Variants in PGM1 observed in about 807,000 individuals in gnomAD.
PGM1 encodes the protein phosphoglucomutase-1.
Under a neutral mutation model 55.6 loss-of-function variants are expected in PGM1, and 52 were observed. The ratio of observed to expected loss-of-function variants is 0.94; its 90% CI spans 0.75 to 1.18. The LOEUF is 1.18. PGM1 is among the 50% of genes most tolerant of loss of function. The pLI, the probability that PGM1 is intolerant of heterozygous loss-of-function variation, is 0.00. For missense variants in PGM1, 724 were observed against 729.3 expected (o/e 0.99, Z 0.08); for synonymous variants, 287 against 271.7 (o/e 1.06, Z -0.55).
intron 10 of PGM1, among the ~76,000 whole-genome samples, chr1:63,658,892 G>A (rs1650038017): frequency 6.6e-6 from 1 of 152,200 alleles, no homozygotes; most frequent in South Asian, 2.1e-4. Context: ...CACAATCATG[G>A]TGGAAGGCAA....
chr1:63,637,085 T>TGATGAATAAAAGGTAAAGAATGAATG (rs1423717484), intron 6 of PGM1, among the ~76,000 whole-genome samples: 1 of 152,182 alleles, frequency 6.6e-6, no homozygotes, highest in Non-Finnish European at 1.5e-5. Context: ...AGGAAATGTT[T>TGATGAATAAAAGGTAAAGAATGAATG]GATGAATAAA....
Position 63,629,600 on chromosome 1 carries a change from T to G in PGM1, c.409+13T>G. 1 of 1,612,550 alleles carries G rather than the reference T, an allele frequency of 6.2e-7. No individual in the cohort carries two copies. Among genetic ancestry groups the G allele is most frequent in the Non-Finnish European group, 8.5e-7 (1 of 1,178,796 alleles). ...ATTTCTAATGGAGGTGAGTTTGCTG[T>G]CATTTTGAGGACAGGTAAGTTTACA... is the stretch of plus-strand genomic sequence containing the variant. On this transcript the variant is annotated intron_variant, in intron 2 of 10. Transcript: ENST00000371084.
At chr1:63,600,341 G>A (rs1427122151) in intron 1 of PGM1, 9 of 152,020 alleles carry the variant, frequency 5.9e-5, no homozygotes, top group African/African-American at 1.5e-4. Flanking sequence ...AAAGAAAAAC[G>A]TTCTCCCTTT....
At position 63,633,902 on chromosome 1, in the gene PGM1, GTGTGTGTGTGTGTGTGTATATA is replaced by G. The variant is rs1190836343; in HGVS notation, c.683-925_683-904del. ...TGTGTGTGTGTGTGTGTGTGTGTGT[GTGTGTGTGTGTGTGTGTATATA>G]TATATATATTTTTTTTTTTTTTTTT... On this transcript the variant is annotated intron_variant, in intron 4 of 10. Coordinates refer to ENST00000371084, the MANE Select transcript of PGM1 (RefSeq NM_002633.3). Among the ~76,000 whole-genome samples, 32 of 38,990 alleles carry G rather than the reference GTGTGTGTGTGTGTGTGTATATA, an allele frequency of 8.2e-4. 3 individuals carry two copies. The highest frequency in any genetic ancestry group is 4.3e-3 in the African/African-American group (29 of 6,794). 25.6% of individuals were successfully genotyped at this position (38,990 alleles called of 152,430 possible). A position where few individuals can be genotyped will look rare whatever the true frequency, so the allele number is the denominator to read the frequency against.
intron 7 of PGM1, among the ~76,000 whole-genome samples, chr1:63,647,949 A>G (rs899295318): frequency 6.6e-6 from 1 of 152,174 alleles, no homozygotes; most frequent in African/African-American, 2.4e-5. Context: ...TATGCCTTAC[A>G]TTTCTAAATC....
chr1:63,593,605 C>G lies in PGM1; in HGVS notation c.117C>G (p.Phe39Leu), dbSNP rs572585457. 6.2e-7 allele frequency: 1 copy of G among 1,613,500 alleles called. No homozygotes were observed. Among genetic ancestry groups the G allele is most frequent in the South Asian group, 1.1e-5 (1 of 91,010 alleles). Reference protein sequence around the residue: ...FQSSANYAENFIQSIISTVEP... With the variant: ...FQSSANYAENLIQSIISTVEP... ...GCAGCGCCAACTACGCGGAGAACTT[C>G]ATCCAGAGTATCATCTCCACCGTGG... Residue 39 changes from phenylalanine to leucine, a missense_variant, in exon 1 of 11, where the codon TTC (phenylalanine) becomes TTG (leucine). By Grantham distance (22) the Phe-to-Leu change is conservative (BLOSUM62 0). Coordinates refer to ENST00000371084, the MANE Select transcript of PGM1 (RefSeq NM_002633.3).
At chr1:63,635,238 C>T (rs1044062913) in intron 5 of PGM1, among the ~76,000 whole-genome samples, 1 of 152,140 alleles carries the variant, frequency 6.6e-6, no homozygotes, top group African/African-American at 2.4e-5. Context: ...TCCATACTTG[C>T]TAACAATGGC....
rs1649745942 is a variant in PGM1 at position 63,649,460 on chromosome 1, A to G, written c.1280+808A>G. ...GAATTTTTCTGGACCTCAGTATTCC[A>G]ATTATAGAGAGAAAATATGGTAAAA... On this transcript the variant is annotated intron_variant, in intron 8 of 10. Coordinates refer to ENST00000371084, the MANE Select transcript of PGM1 (RefSeq NM_002633.3). Among the ~76,000 whole-genome samples, 11 of 152,334 alleles carry G rather than the reference A, an allele frequency of 7.2e-5. No homozygotes were observed. In the South Asian group the frequency reaches 2.3e-3, roughly 32 times the overall value.
chr1:63,657,299 C>G (rs1246561128), intron 10 of PGM1, among the ~76,000 whole-genome samples: 1 of 152,058 alleles, frequency 6.6e-6, no homozygotes, highest in Non-Finnish European at 1.5e-5. Flanking sequence ...AACTGTGTGT[C>G]CCTGGGTAAG....
At chr1:63,648,713 G>A in intron 8 of PGM1, 61 bp downstream of exon 8, 4 of 1,566,540 alleles carry the variant, frequency 2.6e-6, no homozygotes, top group Non-Finnish European at 3.5e-6. Flanking sequence ...GAGAATTCTT[G>A]CGCATCCACA....
At position 63,634,957 on chromosome 1, in the gene PGM1, G is replaced by C. The variant is rs1349011391; in HGVS notation, c.811G>C (p.Asp271His). ...HPDPNLTYAA[D>H]LVETMKSGEH... ...TGACCCCAACCTCACCTATGCAGCT[G>C]ACCTGGTGGAGACCATGAAGTCAGG... is the stretch of plus-strand genomic sequence containing the variant. Residue 271 changes from aspartate to histidine, a missense_variant, in exon 5 of 11, where the codon GAC becomes CAC. Coordinates refer to ENST00000371084, the MANE Select transcript of PGM1 (RefSeq NM_002633.3). 4.3e-6 allele frequency: 7 copies of C among 1,613,984 alleles called. No homozygotes were observed. The highest frequency in any genetic ancestry group is 5.9e-6 in the Non-Finnish European group (7 of 1,180,024).
At chr1:63,607,364 C>A (rs1648450254) in intron 1 of PGM1, among the ~76,000 whole-genome samples, 1 of 152,180 alleles carries the variant, frequency 6.6e-6, no homozygotes, top group African/African-American at 2.4e-5. Context: ...TAAAGATGTC[C>A]TCATTCGCAA....
chr1:63,648,685 G>A (rs763547093), intron 8 of PGM1, 33 bp downstream of exon 8: 9 of 1,611,912 alleles, frequency 5.6e-6, no homozygotes, highest in Non-Finnish European at 7.6e-6. Flanking sequence ...TACAAGGTAA[G>A]GTGGGGAAGT....
chr1:63,619,251 C>T (rs1246506308), intron 1 of PGM1, among the ~76,000 whole-genome samples: 1 of 152,172 alleles, frequency 6.6e-6, no homozygotes, highest in East Asian at 1.9e-4. Context: ...GGCCTTCACT[C>T]TCATGGAATA....
chr1:63,641,603 G>C (rs1432047986), intron 7 of PGM1, among the ~76,000 whole-genome samples: 1 of 152,196 alleles, frequency 6.6e-6, no homozygotes, highest in African/African-American at 2.4e-5. Flanking sequence ...CGATAGGAGA[G>C]ACAATTTCTC....
At chr1:63,646,209 G>A (rs968305976) in intron 7 of PGM1, among the ~76,000 whole-genome samples, 4 of 152,156 alleles carry the variant, frequency 2.6e-5, no homozygotes, top group African/African-American at 9.7e-5. Context: ...AAGTGCAGTA[G>A]GGCAGGCACA....
intron 1 of PGM1, among the ~76,000 whole-genome samples, chr1:63,595,449 AAACTG>A (rs1269768002): frequency 6.6e-6 from 1 of 152,248 alleles, no homozygotes; most frequent in Non-Finnish European, 1.5e-5. Context: ...TCCAAAATCT[AAACTG>A]GGCTCTATCT....
At chr1:63,648,045 C>G (rs1024639927) in intron 7 of PGM1, among the ~76,000 whole-genome samples, 2 of 152,192 alleles carry the variant, frequency 1.3e-5, no homozygotes, top group African/African-American at 4.8e-5. Context: ...CTCAGTCAGG[C>G]AGTGTGACTC....
chr1:63,659,729 C>G lies in PGM1; in HGVS notation c.*54C>G, dbSNP rs142912136. ...CCACCCCCGGACCCATCCAAGTCATCTGATTGAAGAGCATGACAGAAACAA... is the reference window on the plus strand; with the variant it reads ...CCACCCCCGGACCCATCCAAGTCATGTGATTGAAGAGCATGACAGAAACAA... On this transcript the variant is annotated 3_prime_UTR_variant, in exon 11 of 11. Transcript: ENST00000371084. 338 of 1,314,164 alleles carry G rather than the reference C, an allele frequency of 2.6e-4. No individual in the cohort carries two copies. In the African/African-American group the frequency reaches 4.2e-3, roughly 16 times the overall value. 81.4% of individuals were successfully genotyped at this position (1,314,164 alleles called of 1,614,324 possible).
Sources: gnomAD v4.1 joint callset for allele counts (sites outside exome capture counted in the v4.1 genomes callset) on GRCh38, gnomAD v4.1.1 for gene constraint, MANE v1.5 for transcripts, NCBI Gene and HGNC (gene_info 2026-07-23, HGNC 2026-07-21) for gene names.